CSMD1: variants seen among roughly 807,000 people sequenced by gnomAD.
CSMD1 encodes CUB and Sushi multiple domains 1.
A neutral mutation model predicts 417.5 loss-of-function variants in CSMD1; 213 were observed. The ratio of observed to expected loss-of-function variants is 0.51; its 90% CI spans 0.46 to 0.57. CSMD1 has a LOEUF of 0.57. Among genes scored for constraint, CSMD1 ranks in the 20% least tolerant of loss-of-function variants. The probability of loss-of-function intolerance (pLI) is 0.00; values close to 1 mark genes in which losing one functional copy is unlikely to be tolerated. For missense variants in CSMD1, 6,923 were observed against 4,529.7 expected (o/e 1.53, Z -15.17); for synonymous variants, 2,862 against 1,736.8 (o/e 1.65, Z -16.11).
At chr8:3,709,680 G>GCCTTTTTTTTTTT (rs1554518393) in intron 6 of CSMD1, among the ~76,000 whole-genome samples, 4 of 33,700 alleles carry the variant, frequency 1.2e-4, no homozygotes, top group African/African-American at 4.2e-4. Context: ...GCAGCAGCAT[G>GCCTTTTTTTTTTT]TTTTTTTTTT....
chr8:3,771,189 G>A (rs1480353750), intron 5 of CSMD1, among the ~76,000 whole-genome samples: 1 of 152,054 alleles, frequency 6.6e-6, no homozygotes, highest in Non-Finnish European at 1.5e-5. Flanking sequence ...GGGGAAAAAC[G>A]ATGACTACTC....
At chr8:3,769,906 A>G (rs928153818) in intron 5 of CSMD1, among the ~76,000 whole-genome samples, 8 of 152,242 alleles carry the variant, frequency 5.3e-5, no homozygotes, top group Non-Finnish European at 1.0e-4. Context: ...GACTTTTGAG[A>G]AATGCCTATT....
chr8:3,520,576 C>G (rs1336510358), intron 10 of CSMD1, among the ~76,000 whole-genome samples: 1 of 152,110 alleles, frequency 6.6e-6, no homozygotes, highest in Non-Finnish European at 1.5e-5. Context: ...TACATTTAAC[C>G]TTTAAAACTC....
intron 15 of CSMD1, among the ~76,000 whole-genome samples, chr8:3,404,194 C>T (rs898616462): frequency 1.3e-5 from 2 of 152,028 alleles, no homozygotes; most frequent in African/African-American, 2.4e-5. Context: ...ATTAGCCAGG[C>T]GTGGTGGCAG....
At chr8:4,443,323 G>T (rs868742493) in intron 2 of CSMD1, among the ~76,000 whole-genome samples, 8 of 152,156 alleles carry the variant, frequency 5.3e-5, no homozygotes, top group Non-Finnish European at 8.8e-5. Flanking sequence ...TTATTTTAGA[G>T]AAAGTCTACC....
chr8:4,008,048 C>T (rs957167667), intron 4 of CSMD1, among the ~76,000 whole-genome samples: 4 of 152,132 alleles, frequency 2.6e-5, no homozygotes, highest in Non-Finnish European at 5.9e-5. Flanking sequence ...TTGTTTTCAG[C>T]AAGCAGGAAA....
intron 2 of CSMD1, among the ~76,000 whole-genome samples, chr8:4,544,307 A>G (rs1210560046): frequency 1.3e-5 from 2 of 152,140 alleles, no homozygotes; most frequent in African/African-American, 2.4e-5. Context: ...TCTATTGTCA[A>G]TATCTAAATT....
At chr8:4,531,585 A>G (rs1197972873) in intron 2 of CSMD1, among the ~76,000 whole-genome samples, 2 of 152,158 alleles carry the variant, frequency 1.3e-5, no homozygotes, top group Admixed American at 6.5e-5. Flanking sequence ...AAAGTCCTGT[A>G]TAAGTGTAAG....
intron 1 of CSMD1, among the ~76,000 whole-genome samples, chr8:4,707,514 G>C (rs536932850): frequency 1.1e-4 from 16 of 152,142 alleles, no homozygotes; most frequent in Non-Finnish European, 1.9e-4. Flanking sequence ...GTAGGAGTCC[G>C]TGAACAGTTA....
At chr8:3,848,692 C>A (rs1202659630) in intron 5 of CSMD1, among the ~76,000 whole-genome samples, 1 of 152,016 alleles carries the variant, frequency 6.6e-6, no homozygotes, top group Non-Finnish European at 1.5e-5. Context: ...CTCCTTGCAC[C>A]ATCTGTGTGA....
chr8:4,424,541 T>C (rs1232766119), intron 2 of CSMD1, among the ~76,000 whole-genome samples: 2 of 152,018 alleles, frequency 1.3e-5, no homozygotes, highest in Non-Finnish European at 2.9e-5. Flanking sequence ...AAATAAATAA[T>C]GACAACATCA....
intron 55 of CSMD1, among the ~76,000 whole-genome samples, chr8:2,977,091 A>T (rs1321512938): frequency 6.6e-6 from 1 of 151,970 alleles, no homozygotes; most frequent in Admixed American, 6.6e-5. Context: ...ATTTAATAAC[A>T]ACTTTATTCA....
intron 26 of CSMD1, among the ~76,000 whole-genome samples, chr8:3,248,102 A>G (rs1304982321): frequency 6.6e-6 from 1 of 152,172 alleles, no homozygotes; most frequent in Non-Finnish European, 1.5e-5. Context: ...CCGAGGCAGG[A>G]GGATGACTTG....
chr8:4,016,744 T>A (rs1379008214), intron 4 of CSMD1, among the ~76,000 whole-genome samples: 6 of 152,196 alleles, frequency 3.9e-5, no homozygotes, highest in Non-Finnish European at 5.9e-5. Context: ...ACCACCCTCT[T>A]GGGTTAAGGG....
At chr8:2,953,703 T>C (rs1487555725) in intron 65 of CSMD1, among the ~76,000 whole-genome samples, 1 of 152,248 alleles carries the variant, frequency 6.6e-6, no homozygotes, top group East Asian at 1.9e-4. Flanking sequence ...TGCTATATAA[T>C]GCTTTTAGCA....
At chr8:4,717,630 C>G (rs548460859) in intron 1 of CSMD1, among the ~76,000 whole-genome samples, 1 of 151,796 alleles carries the variant, frequency 6.6e-6, no homozygotes, top group South Asian at 2.1e-4. Context: ...ATATATATTT[C>G]TACAACGGGG....
intron 2 of CSMD1, among the ~76,000 whole-genome samples, chr8:4,546,003 C>T (rs1371123948): frequency 6.6e-6 from 1 of 152,172 alleles, no homozygotes; most frequent in South Asian, 2.1e-4. Flanking sequence ...CTACTGCATT[C>T]CATCCACAGC....
At chr8:4,301,027 G>C (rs1321546505) in intron 3 of CSMD1, among the ~76,000 whole-genome samples, 1 of 152,126 alleles carries the variant, frequency 6.6e-6, no homozygotes, top group Non-Finnish European at 1.5e-5. Flanking sequence ...AGCATGATAA[G>C]ATTAGGAAAC....
chr8:4,031,705 T>C (rs80326402), intron 4 of CSMD1, among the ~76,000 whole-genome samples, 200 bp downstream of exon 4: 1,640 of 152,310 alleles, frequency 0.011, 38 homozygotes, highest in African/African-American at 0.038. Flanking sequence ...ACATGCAATA[T>C]TAAATGTTAT....
Sources: allele counts gnomAD v4.1 joint callset (sites outside exome capture counted in the v4.1 genomes callset), GRCh38; gene constraint gnomAD v4.1.1; transcripts MANE v1.5; gene names NCBI Gene and HGNC (gene_info 2026-07-23, HGNC 2026-07-21).